Variants in ANO4 observed in about 807,000 individuals in gnomAD.
ANO4 encodes anoctamin 4.
In ANO4, 69 loss-of-function variants were observed where a neutral mutation model predicts 141.9. The observed-to-expected ratio is 0.49, with a 90% CI of 0.40 to 0.59. The LOEUF (loss-of-function observed/expected upper bound fraction) is 0.59, where lower values mean the gene tolerates loss of function less well. ANO4 is among the 20% of genes least tolerant of loss of function. The probability of loss-of-function intolerance (pLI) is 0.00; values close to 1 mark genes in which losing one functional copy is unlikely to be tolerated. For synonymous variants in ANO4, 350 were observed against 394.3 expected (o/e 0.89, Z 1.33); for missense variants, 894 against 1,162.2 (o/e 0.77, Z 3.36).
intron 6 of ANO4, 46 bp downstream of exon 6, chr12:100,971,452 TA>T: frequency 7.5e-7 from 1 of 1,338,298 alleles, no homozygotes. Flanking sequence ...TGCTTCACTG[TA>T]AATCTAATGT....
In ANO4 at chr12:100,842,961, T is replaced by G. The variant is rs548430646; in HGVS notation, c.-141+47934T>G. 2.2e-4 allele frequency among the ~76,000 whole-genome samples: 33 copies of G among 152,270 alleles called. No homozygotes were observed. The South Asian group carries it at 4.6e-3, about 21-fold the overall frequency. The stretch of plus-strand genomic sequence containing the variant: ...TAAATTTGTGTCTTAGTTCATCCTT[T>G]CTCTTTCACAAACTCCAGGATGACA... On this transcript the variant is annotated intron_variant, in intron 1 of 27. Coordinates refer to ENST00000392977, the MANE Select transcript of ANO4 (RefSeq NM_001286615.2).
intron 14 of ANO4, among the ~76,000 whole-genome samples, chr12:101,073,496 A>C (rs2048902712): frequency 6.6e-6 from 1 of 151,790 alleles, no homozygotes; most frequent in Admixed American, 6.6e-5. Flanking sequence ...GGGTGCAGCA[A>C]ACCAACATGG....
At chr12:100,902,606 C>CTAGT (rs1230675242) in intron 2 of ANO4, among the ~76,000 whole-genome samples, 1 of 152,196 alleles carries the variant, frequency 6.6e-6, no homozygotes, top group Non-Finnish European at 1.5e-5. Flanking sequence ...CTGTAATGTC[C>CTAGT]TAGTGGATGA....
intron 25 of ANO4, among the ~76,000 whole-genome samples, chr12:101,117,119 C>T (rs73389122): frequency 0.051 from 7,724 of 152,256 alleles, 625 homozygotes; most frequent in African/African-American, 0.17. Flanking sequence ...AGACAATCCC[C>T]AGGCGGGTTG....
In ANO4 at chr12:100,789,665, C is replaced by G. The variant is rs7962963; in HGVS notation, c.358+49560C>G. 7.9e-3 allele frequency among the ~76,000 whole-genome samples: 1,203 copies of G among 152,264 alleles called. 32 individuals carry two copies. Among genetic ancestry groups the G allele is most frequent in the African/African-American group, 0.027 (1,109 of 41,546 alleles). On this transcript the variant is annotated intron_variant, in intron 3 of 29. Coordinates refer to the ANO4 transcript ENST00000644049. ...GGACATGGCTGTTGTGATTCTAATT[C>G]AGTGCTCTTTACTTAAACCATAGAA...
intron 1 of ANO4, among the ~76,000 whole-genome samples, chr12:100,897,675 A>G (rs1042948539): frequency 6.6e-6 from 1 of 152,234 alleles, no homozygotes; most frequent in Admixed American, 6.5e-5. Flanking sequence ...ATTACATGAT[A>G]AGGGCTAATT....
intron 1 of ANO4, among the ~76,000 whole-genome samples, chr12:100,795,287 G>A (rs1055757508): frequency 2.0e-5 from 3 of 152,180 alleles, no homozygotes; most frequent in African/African-American, 7.2e-5. Flanking sequence ...AGCAGCAGCC[G>A]GGGAAATGTG....
chr12:101,091,796 G>A (rs2049788246), intron 17 of ANO4, among the ~76,000 whole-genome samples: 1 of 151,738 alleles, frequency 6.6e-6, no homozygotes. Context: ...TCCCATTTCT[G>A]ACTTTTTGCT....
chr12:100,826,836 C>A (rs2036372015), intron 1 of ANO4, among the ~76,000 whole-genome samples: 1 of 151,998 alleles, frequency 6.6e-6, no homozygotes, highest in South Asian at 2.1e-4. Flanking sequence ...AGGCTGAAAT[C>A]TTCTTATAAT....
chr12:100,742,590 G>A (rs2031918665), intron 3 of ANO4, among the ~76,000 whole-genome samples: 1 of 152,124 alleles, frequency 6.6e-6, no homozygotes, highest in South Asian at 2.1e-4. Flanking sequence ...GAGCTGACAA[G>A]TTTTAGGCAC....
At chr12:100,916,826 A>G (rs2041363506) in intron 2 of ANO4, among the ~76,000 whole-genome samples, 1 of 152,190 alleles carries the variant, frequency 6.6e-6, no homozygotes. Context: ...GAAGGCATTG[A>G]CATATTTGCT....
intron 7 of ANO4, among the ~76,000 whole-genome samples, chr12:100,976,223 A>T (rs2044186099): frequency 1.3e-5 from 2 of 152,208 alleles, no homozygotes; most frequent in East Asian, 3.8e-4. Context: ...TGAAATTTAG[A>T]ATTCAGGTTC....
At chr12:101,104,609 GTGTGTGTATGTA>G (rs1264137358) in intron 22 of ANO4, among the ~76,000 whole-genome samples, 11 of 69,910 alleles carry the variant, frequency 1.6e-4, no homozygotes, top group African/African-American at 1.2e-3. Flanking sequence ...GTGTGTGTGT[GTGTGTGTATGTA>G]TGTGTGTATA....
chr12:100,977,591 A>G (rs1317050898), intron 7 of ANO4, among the ~76,000 whole-genome samples: 1 of 152,166 alleles, frequency 6.6e-6, no homozygotes, highest in Non-Finnish European at 1.5e-5. Flanking sequence ...AGTCTCTCAA[A>G]TTCTGCGGGT....
intron 7 of ANO4, among the ~76,000 whole-genome samples, chr12:100,975,944 AG>A (rs55777003): frequency 0.34 from 29,478 of 87,822 alleles, 3,726 homozygotes; most frequent in Admixed American, 0.43. Flanking sequence ...AAAAAAAAAA[AG>A]AAAAAAAAAA....
intron 17 of ANO4, among the ~76,000 whole-genome samples, chr12:101,088,793 TA>T (rs76507916): frequency 0.12 from 18,780 of 151,962 alleles, 1,281 homozygotes; most frequent in East Asian, 0.21. Context: ...GAGGCTGAGA[TA>T]GGGGGATCAC....
intron 9 of ANO4, among the ~76,000 whole-genome samples, chr12:101,023,638 G>A (rs2046621474): frequency 6.6e-6 from 1 of 152,200 alleles, no homozygotes; most frequent in East Asian, 1.9e-4. Context: ...CTGCTCTCCA[G>A]CCTGGGCAAC....
intron 26 of ANO4, 22 bp from the exon 27 acceptor site, chr12:101,126,857 G>C: frequency 6.4e-7 from 1 of 1,574,070 alleles, no homozygotes; most frequent in East Asian, 2.3e-5. Context: ...ACCTGACGCT[G>C]TTACATTCTC....
intron 8 of ANO4, among the ~76,000 whole-genome samples, chr12:101,012,544 G>T (rs2046139557): frequency 6.6e-6 from 1 of 152,092 alleles, no homozygotes; most frequent in South Asian, 2.1e-4. Context: ...GTTTGTTCAG[G>T]GTCAGAAAAC....
Sources: gnomAD v4.1 joint callset for allele counts (sites outside exome capture counted in the v4.1 genomes callset) on GRCh38, gnomAD v4.1.1 for gene constraint, MANE v1.5 for transcripts, NCBI Gene and HGNC (gene_info 2026-07-23, HGNC 2026-07-21) for gene names.